Variants in CSPP1 observed in about 807,000 individuals in gnomAD.
The protein encoded by CSPP1 is centrosome and spindle pole associated protein 1, also known as centrosome and spindle pole-associated protein 1.
In CSPP1, 126 loss-of-function variants were observed where a neutral mutation model predicts 164.4. That is an observed-to-expected ratio of 0.77 (90% CI 0.66 to 0.89). The LOEUF (loss-of-function observed/expected upper bound fraction) is 0.89, where lower values mean the gene tolerates loss of function less well. Among genes scored for constraint, CSPP1 ranks in the 40% least tolerant of loss-of-function variants. CSPP1 has a pLI of 0.00. For synonymous variants in CSPP1, 472 were observed against 476.7 expected (o/e 0.99, Z 0.13); for missense variants, 1,395 against 1,449.8 (o/e 0.96, Z 0.61).
At chr8:67,137,369 A>T in intron 16 of CSPP1, 87 bp from the exon 17 acceptor site, 1 of 1,072,030 alleles carries the variant, frequency 9.3e-7, no homozygotes, top group Non-Finnish European at 1.2e-6. Flanking sequence ...CTTGTTTTCT[A>T]ATACAAAAAA....
rs376244039 is a variant in CSPP1 at position 67,085,994 on chromosome 8, G to C, written c.200-13G>C. Reference sequence around the variant, plus strand: ...TGAAAATGAATTATACTAAGAAGTTGTTTTTTTTCTAGGAATTGATTATGG... The same window carrying C: ...TGAAAATGAATTATACTAAGAAGTTCTTTTTTTTCTAGGAATTGATTATGG... On this transcript the variant is annotated splice_polypyrimidine_tract_variant and intron_variant, in intron 3 of 30. Transcript: ENST00000678616. The C allele has an allele frequency of 1.8e-6, 2 of 1,100,366 alleles. No individual in the cohort carries two copies. Among genetic ancestry groups the C allele is most frequent in the Non-Finnish European group, 2.8e-6 (2 of 713,986 alleles). The allele number at this position is 1,100,366 out of a possible 1,614,324, so 68.2% of individuals were successfully genotyped here.
Position 67,113,705 on chromosome 8 carries a change from GTAGTGC to G in CSPP1, c.1188-99_1188-94del, listed in dbSNP as rs879648059. 4.2e-5 allele frequency: 25 copies of G among 601,868 alleles called. No individual in the cohort carries two copies. In the African/African-American group the frequency reaches 4.6e-4, roughly 11 times the overall value. 37.3% of individuals were successfully genotyped at this position (601,868 alleles called of 1,614,324 possible). A position where few individuals can be genotyped will look rare whatever the true frequency, so the allele number is the denominator to read the frequency against. ...AAAGGAATTATTTGTTTTTGTAGATGTAGTGCATAGACTTTGTGTATAAGCTTCTTT... is the reference window on the plus strand; with the variant it reads ...AAAGGAATTATTTGTTTTTGTAGATGATAGACTTTGTGTATAAGCTTCTTT... On this transcript the variant is annotated intron_variant, in intron 10 of 30. Coordinates refer to ENST00000678616, the MANE Select transcript of CSPP1 (RefSeq NM_001382391.1).
Position 67,093,545 on chromosome 8 carries a change from A to G in CSPP1, c.387A>G (p.Glu129=), listed in dbSNP as rs777993835. The change falls in exon 6 of 31, where the codon GAA becomes GAG. Residue 129 remains glutamate (E), a splice_region_variant and synonymous_variant. Coordinates refer to ENST00000678616, the MANE Select transcript of CSPP1 (RefSeq NM_001382391.1). ...LPIGERLSAK[E]RLKLERNKEY... ...TGCCTTTTGATTTTTATTTTAAGGA[A>G]AGGTTGAAACTTGAACGTAACAAAG... 6.3e-7 allele frequency: 1 copy of G among 1,584,708 alleles called. No individual in the cohort carries two copies. Among genetic ancestry groups the G allele is most frequent in the Admixed American group, 1.8e-5 (1 of 55,430 alleles).
chr8:67,180,421 C>T (rs1832735219), intron 28 of CSPP1, among the ~76,000 whole-genome samples: 1 of 151,986 alleles, frequency 6.6e-6, no homozygotes. Context: ...TTAGTGGTTG[C>T]CAGGGGTTGA....
chr8:67,128,276 C>T (rs913327803), intron 15 of CSPP1, among the ~76,000 whole-genome samples: 3 of 152,118 alleles, frequency 2.0e-5, no homozygotes, highest in Non-Finnish European at 4.4e-5. Flanking sequence ...CAGTGGCTCA[C>T]TCTTGTAATC....
chr8:67,167,556 C>T (rs1304767850), intron 24 of CSPP1, among the ~76,000 whole-genome samples: 26 of 140,172 alleles, frequency 1.9e-4, no homozygotes, highest in Admixed American at 2.9e-4. Flanking sequence ...GGCTGCTGGG[C>T]GGAGGGGCTC....
intron 7 of CSPP1, among the ~76,000 whole-genome samples, chr8:67,102,276 A>AAT (rs1191275758): frequency 2.0e-5 from 3 of 152,142 alleles, no homozygotes; most frequent in African/African-American, 7.2e-5. Flanking sequence ...TTTATTGATA[A>AAT]GACTGCTGCT....
chr8:67,160,012 TTTTCTTTTCTTTTC>T lies in CSPP1; in HGVS notation c.2538+879_2538+892del, dbSNP rs1374300034. 1.7e-4 allele frequency among the ~76,000 whole-genome samples: 17 copies of T among 99,122 alleles called. 1 individual carries two copies. Among genetic ancestry groups the T allele is most frequent in the African/African-American group, 5.3e-4 (9 of 16,862 alleles). The allele number at this position is 99,122 out of a possible 152,430, so 65.0% of individuals were successfully genotyped here. On this transcript the variant is annotated intron_variant, in intron 21 of 30. Transcript: ENST00000678616. ...TTTTCTTTTCTTTTCTTTTCTTTTC[TTTTCTTTTCTTTTC>T]TTTTCTTTTTCTTTTTCTTTTTCTT...
In CSPP1 at chr8:67,115,913, G is replaced by C; in HGVS notation, c.1288-1G>C. The C allele has an allele frequency of 6.2e-7, 1 of 1,611,696 alleles. No homozygotes were observed. Among genetic ancestry groups the C allele is most frequent in the Non-Finnish European group, 8.5e-7 (1 of 1,178,412 alleles). On this transcript the variant is annotated splice_acceptor_variant, in intron 12 of 30. Transcript: ENST00000678616. LOFTEE classifies it high-confidence loss of function. ...AAACAGATTTTTTTTCTTTATTTTA[G>C]CCTGATAGACTAAAGCAGTTTAGTG...
chr8:67,104,966 A>ATATATATTT (rs1247108884), intron 8 of CSPP1, among the ~76,000 whole-genome samples: 1 of 60,746 alleles, frequency 1.6e-5, no homozygotes, highest in African/African-American at 6.9e-5. Context: ...ATATATATAT[A>ATATATATTT]TTTTTTTTTT....
chr8:67,156,956 A>G (rs527335428), intron 19 of CSPP1, among the ~76,000 whole-genome samples: 3 of 152,330 alleles, frequency 2.0e-5, no homozygotes, highest in African/African-American at 7.2e-5. Flanking sequence ...ACAACTGTCT[A>G]GCATTCCTGT....
rs1177707036 is a variant in CSPP1 at position 67,184,743 on chromosome 8, AT to A, written c.3220+4818del. On this transcript the variant is annotated intron_variant, in intron 28 of 30. Coordinates refer to ENST00000678616, the MANE Select transcript of CSPP1 (RefSeq NM_001382391.1). Reference sequence around the variant, plus strand: ...TGTCTAAAAAAATAATAATAAAAAAATATAATAATAATAATAATAATAATAA... The same window carrying A: ...TGTCTAAAAAAATAATAATAAAAAAAATAATAATAATAATAATAATAATAA... Among the ~76,000 whole-genome samples, 254 of 127,098 alleles carry A rather than the reference AT, an allele frequency of 2.0e-3. 3 individuals carry two copies. Among genetic ancestry groups the A allele is most frequent in the African/African-American group, 8.9e-3 (243 of 27,212 alleles). The allele number at this position is 127,098 out of a possible 152,430, so 83.4% of individuals were successfully genotyped here.
intron 8 of CSPP1, among the ~76,000 whole-genome samples, chr8:67,104,827 A>G (rs1815044958): frequency 6.7e-6 from 1 of 148,408 alleles, no homozygotes; most frequent in African/African-American, 2.5e-5. Context: ...TTTAGTAGTG[A>G]TGGGATTTCA....
intron 16 of CSPP1, among the ~76,000 whole-genome samples, chr8:67,132,450 A>G (rs1272034230): frequency 6.6e-6 from 1 of 152,240 alleles, no homozygotes; most frequent in Non-Finnish European, 1.5e-5. Context: ...TCATCTGGTT[A>G]TGGGCAGCTG....
chr8:67,068,141 G>A (rs1461622030), intron 1 of CSPP1, among the ~76,000 whole-genome samples: 4 of 152,122 alleles, frequency 2.6e-5, no homozygotes, highest in East Asian at 3.8e-4. Context: ...GGGCCACTGC[G>A]CCTGGCCTGA....
intron 15 of CSPP1, among the ~76,000 whole-genome samples, chr8:67,126,749 C>T (rs1820152968): frequency 2.0e-5 from 3 of 152,122 alleles, no homozygotes; most frequent in Non-Finnish European, 4.4e-5. Context: ...ACCCCATGGG[C>T]ATGTTATTTC....
intron 17 of CSPP1, among the ~76,000 whole-genome samples, chr8:67,141,005 A>G (rs968740636): frequency 3.9e-5 from 6 of 152,228 alleles, no homozygotes; most frequent in African/African-American, 1.4e-4. Context: ...ACATGGGATT[A>G]ATAGCCATAT....
At chr8:67,131,365 TGACGAAGTAG>T (rs1215655455) in intron 15 of CSPP1, among the ~76,000 whole-genome samples, 1 of 152,180 alleles carries the variant, frequency 6.6e-6, no homozygotes, top group African/African-American at 2.4e-5. Context: ...CCAGCCTGGG[TGACGAAGTAG>T]GACCCTGTCC....
At chr8:67,167,368 C>T (rs1170048903) in intron 24 of CSPP1, among the ~76,000 whole-genome samples, 14 of 148,808 alleles carry the variant, frequency 9.4e-5, no homozygotes, top group African/African-American at 2.5e-4. Flanking sequence ...ACCTCCCACC[C>T]GGACGGGGCA....
Sources: gnomAD v4.1 joint callset for allele counts (sites outside exome capture counted in the v4.1 genomes callset) on GRCh38, gnomAD v4.1.1 for gene constraint, MANE v1.5 for transcripts, NCBI Gene and HGNC (gene_info 2026-07-23, HGNC 2026-07-21) for gene names.